ARHGAP15: variants seen among roughly 807,000 people sequenced by gnomAD.
The protein encoded by ARHGAP15 is rho GTPase-activating protein 15.
ARHGAP15 carries 51 observed loss-of-function variants against 63.7 expected under a neutral mutation model. The observed-to-expected ratio is 0.80, with a 90% CI of 0.64 to 1.01. The LOEUF is 1.01. Ranked by LOEUF, ARHGAP15 falls within the 50% of genes least tolerant of loss-of-function variation. ARHGAP15 has a pLI of 0.00. For missense variants in ARHGAP15, 560 were observed against 564.6 expected (o/e 0.99, Z 0.08); for synonymous variants, 191 against 193.8 (o/e 0.99, Z 0.12).
intron 9 of ARHGAP15, among the ~76,000 whole-genome samples, chr2:143,516,957 G>GTT (rs1303761179): frequency 1.4e-4 from 21 of 148,896 alleles, no homozygotes; most frequent in South Asian, 6.4e-4. Context: ...TGTTGTTGTT[G>GTT]GTGTTGTTTT....
At chr2:143,673,384 G>A (rs929914212) in intron 12 of ARHGAP15, among the ~76,000 whole-genome samples, 1 of 151,914 alleles carries the variant, frequency 6.6e-6, no homozygotes, top group Non-Finnish European at 1.5e-5. Context: ...TGCAACCTCC[G>A]CCTCCTGGGT....
At chr2:143,670,647 C>T (rs1371056479) in intron 12 of ARHGAP15, among the ~76,000 whole-genome samples, 1 of 152,198 alleles carries the variant, frequency 6.6e-6, no homozygotes, top group African/African-American at 2.4e-5. Context: ...CACCCTACCA[C>T]CTTAGACCAA....
chr2:143,405,707 T>G (rs1340887758), intron 6 of ARHGAP15, among the ~76,000 whole-genome samples: 1 of 151,962 alleles, frequency 6.6e-6, no homozygotes. Context: ...GCCATCTTTT[T>G]GGGTGCCTTT....
chr2:143,670,624 C>T (rs1056677334), intron 12 of ARHGAP15, among the ~76,000 whole-genome samples: 3 of 152,152 alleles, frequency 2.0e-5, no homozygotes, highest in African/African-American at 7.2e-5. Flanking sequence ...GTGAACACAT[C>T]ACCATTCAAA....
intron 6 of ARHGAP15, among the ~76,000 whole-genome samples, chr2:143,374,253 T>C (rs1453078997): frequency 6.6e-6 from 1 of 152,142 alleles, no homozygotes; most frequent in Non-Finnish European, 1.5e-5. Context: ...TATAGAATAT[T>C]ATAGGTGGAT....
intron 6 of ARHGAP15, among the ~76,000 whole-genome samples, chr2:143,260,067 G>A (rs1422979270): frequency 1.3e-5 from 2 of 152,066 alleles, no homozygotes; most frequent in Admixed American, 6.6e-5. Flanking sequence ...AAAAGAAAAT[G>A]TACAGAGGTT....
At chr2:143,767,855 G>A in intron 13 of ARHGAP15, 134 bp from the exon 14 acceptor site, 1 of 857,192 alleles carries the variant, frequency 1.2e-6, no homozygotes, top group South Asian at 1.8e-5. Flanking sequence ...AGTAAAGTAT[G>A]TAGGGTAGAA....
chr2:143,532,674 A>G (rs913738217), intron 10 of ARHGAP15, among the ~76,000 whole-genome samples: 1 of 152,184 alleles, frequency 6.6e-6, no homozygotes, highest in African/African-American at 2.4e-5. Flanking sequence ...TGCAAAAACA[A>G]CTGTCAGGGA....
At chr2:143,296,361 T>A (rs944548697) in intron 6 of ARHGAP15, among the ~76,000 whole-genome samples, 4 of 152,060 alleles carry the variant, frequency 2.6e-5, no homozygotes, top group African/African-American at 9.7e-5. Context: ...CTGACACCTG[T>A]AGTTACAAGA....
rs149902240 is a variant in ARHGAP15 at position 143,315,591 on chromosome 2, A to G, written c.474+64991A>G. Among the ~76,000 whole-genome samples the G allele has an allele frequency of 2.6e-5, 4 of 152,272 alleles. No individual in the cohort carries two copies. In the East Asian group the frequency reaches 7.7e-4, roughly 29 times the overall value. ...CCCAGGTGCTCCTGTGCAGGATGGG[A>G]GAAAATGCTATCATTGCATAGTTTC... is the stretch of plus-strand genomic sequence containing the variant. On this transcript the variant is annotated intron_variant, in intron 6 of 13. Transcript: ENST00000295095.
chr2:143,138,502 A>G (rs1689235746), intron 1 of ARHGAP15, among the ~76,000 whole-genome samples: 1 of 152,164 alleles, frequency 6.6e-6, no homozygotes, highest in South Asian at 2.1e-4. Flanking sequence ...AAGCAATGCC[A>G]TCTGTAGGAA....
At chr2:143,375,809 A>G (rs962004333) in intron 6 of ARHGAP15, among the ~76,000 whole-genome samples, 10 of 152,210 alleles carry the variant, frequency 6.6e-5, no homozygotes, top group African/African-American at 2.2e-4. Context: ...GGCAGCCAAG[A>G]ACAGGGAAAT....
At chr2:143,717,203 T>A (rs1409977142) in intron 13 of ARHGAP15, among the ~76,000 whole-genome samples, 1 of 152,198 alleles carries the variant, frequency 6.6e-6, no homozygotes, top group Non-Finnish European at 1.5e-5. Flanking sequence ...ACGGAAGATA[T>A]TCTTCCAGAA....
intron 6 of ARHGAP15, among the ~76,000 whole-genome samples, chr2:143,406,184 G>A (rs180803930): frequency 6.6e-6 from 1 of 151,880 alleles, no homozygotes; most frequent in Admixed American, 6.6e-5. Context: ...TTTTTTACTA[G>A]TTTGTATTTT....
At chr2:143,671,811 G>A (rs895599918) in intron 12 of ARHGAP15, among the ~76,000 whole-genome samples, 19 of 152,092 alleles carry the variant, frequency 1.2e-4, no homozygotes, top group Admixed American at 2.6e-4. Context: ...CACATTATTT[G>A]TAAAGTTTTT....
In ARHGAP15 at chr2:143,228,618, C is replaced by G. The variant is rs775000122; in HGVS notation, c.334C>G (p.Arg112Gly). Residue 112 changes from arginine to glycine, a missense_variant, in exon 5 of 14, where the codon CGA becomes GGA. Physicochemically the swap from Arg to Gly is moderately radical, Grantham distance 125 (BLOSUM62 -2). Coordinates refer to ENST00000295095, the MANE Select transcript of ARHGAP15 (RefSeq NM_018460.4). The part of the protein sequence containing the change: ...WSTSWIVLSS[R>G]RIEFYKESKQ... ...TACTTCCTGGATTGTTCTTTCTAGT[C>G]GAAGAATTGAATTTTACAAAGAATC... is the stretch of plus-strand genomic sequence containing the variant. 4.4e-6 allele frequency: 7 copies of G among 1,608,620 alleles called. No individual in the cohort carries two copies. The Admixed American group carries it at 1.0e-4, about 23-fold the overall frequency.
At chr2:143,265,572 CTGTT>C (rs1371006547) in intron 6 of ARHGAP15, among the ~76,000 whole-genome samples, 2 of 152,044 alleles carry the variant, frequency 1.3e-5, no homozygotes, top group Non-Finnish European at 2.9e-5. Context: ...AATATGAAGT[CTGTT>C]TGCATTTGGA....
At position 143,715,543 on chromosome 2, in the gene ARHGAP15, A is replaced by T. The variant is rs534032096; in HGVS notation, c.1244+12019A>T. On this transcript the variant is annotated intron_variant, in intron 13 of 13. Transcript: ENST00000295095. ...AAACAAGCAGAGCTCTTCTGATTATAAAAATAATAATACTTTTAATGGGGC... is the reference window on the plus strand; with the variant it reads ...AAACAAGCAGAGCTCTTCTGATTATTAAAATAATAATACTTTTAATGGGGC... Among the ~76,000 whole-genome samples, 6 of 152,344 alleles carry T rather than the reference A, an allele frequency of 3.9e-5. No homozygotes were observed. The South Asian group carries it at 1.2e-3, about 32-fold the overall frequency.
chr2:143,298,860 T>C (rs1210257858), intron 6 of ARHGAP15, among the ~76,000 whole-genome samples: 1 of 151,956 alleles, frequency 6.6e-6, no homozygotes, highest in Non-Finnish European at 1.5e-5. Flanking sequence ...TTTACACTTA[T>C]TATCTTATTT....
Sources: gnomAD v4.1 joint callset for allele counts (sites outside exome capture counted in the v4.1 genomes callset) on GRCh38, gnomAD v4.1.1 for gene constraint, MANE v1.5 for transcripts, NCBI Gene and HGNC (gene_info 2026-07-23, HGNC 2026-07-21) for gene names.